Variants in ATXN1 observed in about 807,000 individuals in gnomAD.
ATXN1 encodes the protein ataxin-1.
A neutral mutation model predicts 56.4 loss-of-function variants in ATXN1; 8 were observed. That is an observed-to-expected ratio of 0.14 (90% CI 0.08 to 0.26). The LOEUF is 0.26. ATXN1 is among the 10% of genes least tolerant of loss of function. The pLI, the probability that ATXN1 is intolerant of heterozygous loss-of-function variation, is 1.00. For missense variants in ATXN1, 987 were observed against 1,106.5 expected (o/e 0.89, Z 1.53); for synonymous variants, 514 against 494.6 (o/e 1.04, Z -0.52).
intron 6 of ATXN1, among the ~76,000 whole-genome samples, chr6:16,386,745 T>C (rs947214982): frequency 6.6e-6 from 1 of 152,136 alleles, no homozygotes; most frequent in Non-Finnish European, 1.5e-5. Flanking sequence ...AAGATGTACA[T>C]AGAGAGAAAT....
intron 6 of ATXN1, among the ~76,000 whole-genome samples, chr6:16,480,733 C>G (rs1029006163): frequency 6.6e-6 from 1 of 152,152 alleles, no homozygotes; most frequent in Non-Finnish European, 1.5e-5. Flanking sequence ...TGTTTCACCC[C>G]ATAGAACACA....
chr6:16,548,414 T>C (rs1473439400), intron 4 of ATXN1, among the ~76,000 whole-genome samples: 3 of 152,198 alleles, frequency 2.0e-5, no homozygotes, highest in Admixed American at 2.0e-4. Flanking sequence ...AAATTTATTT[T>C]TGAAATTTCT....
chr6:16,737,056 C>T (rs1434350258), intron 2 of ATXN1: 2 of 152,284 alleles, frequency 1.3e-5, no homozygotes, highest in East Asian at 1.9e-4. Flanking sequence ...GTCAAACAAA[C>T]CTTCAAAGCA....
intron 6 of ATXN1, among the ~76,000 whole-genome samples, chr6:16,437,579 T>C (rs1759420866): frequency 6.6e-6 from 1 of 152,230 alleles, no homozygotes; most frequent in African/African-American, 2.4e-5. Context: ...TTCTGCCAAA[T>C]TCCTACAGAA....
At chr6:16,493,066 T>A (rs1320394989) in intron 5 of ATXN1, among the ~76,000 whole-genome samples, 1 of 152,192 alleles carries the variant, frequency 6.6e-6, no homozygotes, top group African/African-American at 2.4e-5. Flanking sequence ...GCCTGCTCAT[T>A]GGTCTTCTTG....
At chr6:16,467,250 G>C (rs1382522920) in intron 6 of ATXN1, among the ~76,000 whole-genome samples, 1 of 152,156 alleles carries the variant, frequency 6.6e-6, no homozygotes, top group African/African-American at 2.4e-5. Context: ...AAAAATTGTA[G>C]CTAAAAATAA....
At chr6:16,547,567 T>A (rs1761837001) in intron 4 of ATXN1, among the ~76,000 whole-genome samples, 1 of 152,106 alleles carries the variant, frequency 6.6e-6, no homozygotes, top group Non-Finnish European at 1.5e-5. Flanking sequence ...AAATGCATTG[T>A]CTTACAGTCC....
chr6:16,597,007 C>T (rs893962350), intron 3 of ATXN1, among the ~76,000 whole-genome samples: 3 of 152,206 alleles, frequency 2.0e-5, no homozygotes, highest in African/African-American at 7.2e-5. Context: ...TGTGCACTCA[C>T]CTGCAGGGCG....
At chr6:16,453,564 A>C (rs1264844167) in intron 6 of ATXN1, among the ~76,000 whole-genome samples, 2 of 152,222 alleles carry the variant, frequency 1.3e-5, no homozygotes, top group Non-Finnish European at 2.9e-5. Context: ...AAATGTATGC[A>C]AAAAATATCA....
chr6:16,364,849 A>T (rs916561165), intron 6 of ATXN1, among the ~76,000 whole-genome samples: 1 of 152,206 alleles, frequency 6.6e-6, no homozygotes, highest in Non-Finnish European at 1.5e-5. Flanking sequence ...GTGGGATATG[A>T]AGTAAAATGT....
chr6:16,708,172 A>G (rs1220608638), intron 2 of ATXN1, among the ~76,000 whole-genome samples: 1 of 152,206 alleles, frequency 6.6e-6, no homozygotes, highest in African/African-American at 2.4e-5. Context: ...TCTGAATATC[A>G]GACAAAATGG....
At chr6:16,451,247 C>G (rs1328943850) in intron 6 of ATXN1, among the ~76,000 whole-genome samples, 1 of 152,236 alleles carries the variant, frequency 6.6e-6, no homozygotes, top group East Asian at 1.9e-4. Flanking sequence ...GTGGGTGGAT[C>G]ACCAAAGGTC....
At chr6:16,560,228 G>A (rs925008714) in intron 4 of ATXN1, among the ~76,000 whole-genome samples, 10 of 152,062 alleles carry the variant, frequency 6.6e-5, no homozygotes, top group Admixed American at 6.6e-4. Flanking sequence ...ACAGGAGCTG[G>A]AGACCAGCCT....
intron 6 of ATXN1, among the ~76,000 whole-genome samples, chr6:16,394,019 G>A (rs1392531028): frequency 6.6e-6 from 1 of 151,568 alleles, no homozygotes; most frequent in Non-Finnish European, 1.5e-5. Context: ...AGATAAGCCC[G>A]ATGCCTAACA....
At chr6:16,521,769 T>G (rs7774168) in intron 5 of ATXN1, among the ~76,000 whole-genome samples, 5,593 of 152,232 alleles carry the variant, frequency 0.037, 321 homozygotes, top group African/African-American at 0.13. Flanking sequence ...CCACCAAGTC[T>G]CAGCACATGA....
chr6:16,631,040 T>C (rs745630626), intron 3 of ATXN1, among the ~76,000 whole-genome samples: 5 of 152,200 alleles, frequency 3.3e-5, no homozygotes, highest in Non-Finnish European at 5.9e-5. Flanking sequence ...CTATGCTCTT[T>C]GTTGATAATA....
chr6:16,453,810 G>C (rs976388292), intron 6 of ATXN1, among the ~76,000 whole-genome samples: 2 of 152,124 alleles, frequency 1.3e-5, no homozygotes, highest in Non-Finnish European at 2.9e-5. Context: ...GGTGCAGAGA[G>C]GATTAAGTAA....
intron 4 of ATXN1, among the ~76,000 whole-genome samples, chr6:16,584,191 T>C (rs1329378728): frequency 7.0e-6 from 1 of 143,760 alleles, no homozygotes; most frequent in African/African-American, 2.5e-5. Context: ...GGCACTAACA[T>C]AGTTATATTT....
intron 3 of ATXN1, among the ~76,000 whole-genome samples, chr6:16,599,849 T>C (rs1762883093): frequency 6.6e-6 from 1 of 152,210 alleles, no homozygotes; most frequent in Non-Finnish European, 1.5e-5. Flanking sequence ...CTTCTGTTCC[T>C]TCTGTTCCCC....
Sources: allele counts gnomAD v4.1 joint callset (sites outside exome capture counted in the v4.1 genomes callset), GRCh38; gene constraint gnomAD v4.1.1; transcripts MANE v1.5; gene names NCBI Gene and HGNC (gene_info 2026-07-23, HGNC 2026-07-21).